CDH12: variants seen among roughly 807,000 people sequenced by gnomAD.
CDH12 encodes cadherin 12, also known as cadherin-12.
In CDH12, 41 loss-of-function variants were observed where a neutral mutation model predicts 74.1. The ratio of observed to expected loss-of-function variants is 0.55; its 90% CI spans 0.43 to 0.72. The LOEUF (loss-of-function observed/expected upper bound fraction) is 0.72. Among genes scored for constraint, CDH12 ranks in the 30% least tolerant of loss-of-function variants. The pLI, the probability that CDH12 is intolerant of heterozygous loss-of-function variation, is 0.00. For synonymous variants in CDH12, 399 were observed against 355.0 expected, an observed-to-expected ratio of 1.12 and a Z score of -1.39; for missense variants, 945 against 977.2, an observed-to-expected ratio of 0.97 and a Z score of 0.44.
chr5:22,688,167 A>G (rs989047674), intron 1 of CDH12, among the ~76,000 whole-genome samples: 2 of 152,306 alleles, frequency 1.3e-5, no homozygotes, highest in African/African-American at 4.8e-5. Context: ...ATTCATGAGA[A>G]TTAAATGAGA....
At chr5:22,836,748 C>T (rs1008566978) in intron 1 of CDH12, among the ~76,000 whole-genome samples, 2 of 152,046 alleles carry the variant, frequency 1.3e-5, no homozygotes, top group South Asian at 2.1e-4. Flanking sequence ...TCCATTACAG[C>T]GAATTCTGAA....
intron 1 of CDH12, among the ~76,000 whole-genome samples, chr5:22,848,444 A>G (rs1297458586): frequency 1.3e-5 from 2 of 152,020 alleles, no homozygotes; most frequent in African/African-American, 4.8e-5. Flanking sequence ...TTATCCCCCA[A>G]TTTTGTTATT....
intron 4 of CDH12, among the ~76,000 whole-genome samples, chr5:22,107,479 C>CATAT (rs1561118486): frequency 1.5e-4 from 7 of 47,922 alleles, no homozygotes; most frequent in East Asian, 5.0e-4. Flanking sequence ...TATATACATA[C>CATAT]GTATGTATAT....
At chr5:22,524,894 T>C (rs189536189) in intron 1 of CDH12, among the ~76,000 whole-genome samples, 2,839 of 152,078 alleles carry the variant, frequency 0.019, 36 homozygotes, top group Non-Finnish European at 0.029. Context: ...ATGTGCCATG[T>C]TGGTGTGCTG....
At chr5:22,796,545 A>T (rs1581008871) in intron 1 of CDH12, among the ~76,000 whole-genome samples, 1 of 68,990 alleles carries the variant, frequency 1.4e-5, no homozygotes, top group African/African-American at 8.3e-5. Flanking sequence ...TTTGAGACGG[A>T]GTCTCGCTCT....
intron 2 of CDH12, among the ~76,000 whole-genome samples, chr5:22,488,008 G>A (rs1321738417): frequency 6.6e-6 from 1 of 152,202 alleles, no homozygotes; most frequent in Non-Finnish European, 1.5e-5. Flanking sequence ...GTCCATCACA[G>A]TAAAGTATTA....
At chr5:21,941,736 G>A (rs1415303013) in intron 6 of CDH12, among the ~76,000 whole-genome samples, 2 of 152,112 alleles carry the variant, frequency 1.3e-5, no homozygotes, top group Admixed American at 1.3e-4. Context: ...TATATAGGAA[G>A]ACTCTCCATT....
intron 3 of CDH12, among the ~76,000 whole-genome samples, chr5:22,221,196 T>C (rs2150368824): frequency 6.6e-6 from 1 of 152,060 alleles, no homozygotes; most frequent in Middle Eastern, 3.4e-3. Context: ...TTTGTTTAGC[T>C]TTTAATCTGC....
At chr5:22,833,210 T>C (rs944642562) in intron 1 of CDH12, among the ~76,000 whole-genome samples, 2 of 152,186 alleles carry the variant, frequency 1.3e-5, no homozygotes, top group Admixed American at 1.3e-4. Context: ...CAAAAAGATC[T>C]GGAATCTTTT....
chr5:22,437,752 C>A (rs1744465172), intron 2 of CDH12, among the ~76,000 whole-genome samples: 1 of 151,782 alleles, frequency 6.6e-6, no homozygotes, highest in Non-Finnish European at 1.5e-5. Flanking sequence ...TTTGTGATCA[C>A]AAAATGTTTA....
intron 1 of CDH12, among the ~76,000 whole-genome samples, chr5:22,532,330 CA>C (rs1479206659): frequency 1.7e-5 from 1 of 58,604 alleles, no homozygotes; most frequent in African/African-American, 6.7e-5. Context: ...GCAGTTCTAA[CA>C]GATAAATTAT....
intron 1 of CDH12, among the ~76,000 whole-genome samples, chr5:22,655,078 A>G (rs1739965397): frequency 6.6e-6 from 1 of 152,190 alleles, no homozygotes; most frequent in African/African-American, 2.4e-5. Context: ...CTTTGTTTTT[A>G]TTTACTGGAA....
At chr5:21,806,264 T>C (rs1380463649) in intron 9 of CDH12, among the ~76,000 whole-genome samples, 1 of 152,146 alleles carries the variant, frequency 6.6e-6, no homozygotes, top group African/African-American at 2.4e-5. Flanking sequence ...AAGCTATCTT[T>C]TGTGGGAGAA....
intron 1 of CDH12, among the ~76,000 whole-genome samples, chr5:22,623,993 C>A (rs964043092): frequency 1.2e-4 from 19 of 152,042 alleles, no homozygotes; most frequent in African/African-American, 3.1e-4. Context: ...CAGAACAGAG[C>A]CCTCAGAAAT....
intron 6 of CDH12, among the ~76,000 whole-genome samples, chr5:21,912,397 C>A (rs1753896011): frequency 6.6e-6 from 1 of 151,792 alleles, no homozygotes. Flanking sequence ...AAAGTCCTTA[C>A]ATAATGAGAT....
At chr5:21,757,123 A>T (rs530290761) in intron 13 of CDH12, among the ~76,000 whole-genome samples, 134 of 152,032 alleles carry the variant, frequency 8.8e-4, no homozygotes, top group African/African-American at 3.0e-3. Flanking sequence ...GTATTCTTGA[A>T]CTCAATGTAT....
At chr5:22,801,168 G>C (rs1307424634) in intron 1 of CDH12, among the ~76,000 whole-genome samples, 1 of 152,192 alleles carries the variant, frequency 6.6e-6, no homozygotes, top group Non-Finnish European at 1.5e-5. Context: ...CAGCAATGAA[G>C]ATTAGTTCCT....
intron 3 of CDH12, among the ~76,000 whole-genome samples, chr5:22,381,561 T>C (rs1249917001): frequency 6.6e-6 from 1 of 151,974 alleles, no homozygotes; most frequent in African/African-American, 2.4e-5. Context: ...TTATTGAGTC[T>C]CTTACTATTC....
chr5:22,504,418 CAG>C (rs974358245), intron 2 of CDH12, among the ~76,000 whole-genome samples: 9 of 152,016 alleles, frequency 5.9e-5, no homozygotes, highest in South Asian at 2.1e-4. Flanking sequence ...TGGGCATGCA[CAG>C]AGAGTTTGAA....
Sources: gnomAD v4.1 joint callset for allele counts (sites outside exome capture counted in the v4.1 genomes callset) on GRCh38, gnomAD v4.1.1 for gene constraint, MANE v1.5 for transcripts, NCBI Gene and HGNC (gene_info 2026-07-23, HGNC 2026-07-21) for gene names.